The following ADAM23 variants were observed in gnomAD, a reference collection of about 807,000 sequenced individuals.
ADAM23 encodes disintegrin and metalloproteinase domain-containing protein 23.
ADAM23 carries 33 observed loss-of-function variants against 120.1 expected under a neutral mutation model. The ratio of observed to expected loss-of-function variants is 0.27; its 90% confidence interval spans 0.21 to 0.37. The LOEUF (loss-of-function observed/expected upper bound fraction) is 0.37. Among genes scored for constraint, ADAM23 ranks in the 10% least tolerant of loss-of-function variants. The pLI is 1.00. For missense variants in ADAM23, 862 were observed against 1,058.2 expected (o/e 0.81, Z 2.57); for synonymous variants, 367 against 375.2 (o/e 0.98, Z 0.25).
intron 3 of ADAM23, among the ~76,000 whole-genome samples, chr2:206,519,523 A>C (rs1696802959): frequency 6.6e-6 from 1 of 152,134 alleles, no homozygotes; most frequent in South Asian, 2.1e-4. Flanking sequence ...CATTTTTCTA[A>C]ATGATAACTT....
intron 25 of ADAM23, among the ~76,000 whole-genome samples, chr2:206,617,087 A>G (rs369932771): frequency 2.0e-5 from 3 of 152,338 alleles, no homozygotes; most frequent in East Asian, 3.9e-4. Flanking sequence ...CCAAGGCAGC[A>G]AGATAACTGA....
intron 2 of ADAM23, among the ~76,000 whole-genome samples, chr2:206,455,594 A>G (rs1559214413): frequency 6.6e-6 from 1 of 152,190 alleles, no homozygotes; most frequent in African/African-American, 2.4e-5. Context: ...TCTTTTAAAT[A>G]TAAGTTCCAG....
At chr2:206,512,647 G>GA (rs1409163042) in intron 3 of ADAM23, among the ~76,000 whole-genome samples, 1 of 152,064 alleles carries the variant, frequency 6.6e-6, no homozygotes, top group Non-Finnish European at 1.5e-5. Flanking sequence ...TAGAAACTCT[G>GA]AAAAAGACTT....
intron 3 of ADAM23, among the ~76,000 whole-genome samples, chr2:206,484,289 A>C (rs1455486684): frequency 1.3e-5 from 2 of 152,166 alleles, no homozygotes; most frequent in East Asian, 3.9e-4. Flanking sequence ...TTGGGGCTTG[A>C]GGAAAATGAC....
chr2:206,551,146 C>G (rs1473601390), intron 9 of ADAM23, among the ~76,000 whole-genome samples: 1 of 152,138 alleles, frequency 6.6e-6, no homozygotes, highest in Non-Finnish European at 1.5e-5. Context: ...CTAGTACACC[C>G]AATACTAGTG....
chr2:206,540,032 C>G (rs1559254884), intron 4 of ADAM23, among the ~76,000 whole-genome samples: 1 of 152,012 alleles, frequency 6.6e-6, no homozygotes, highest in South Asian at 2.1e-4. Context: ...TACAGTGATT[C>G]AAGGCCAGGC....
At chr2:206,533,373 T>C (rs1314802678) in intron 4 of ADAM23, among the ~76,000 whole-genome samples, 1 of 152,144 alleles carries the variant, frequency 6.6e-6, no homozygotes, top group African/African-American at 2.4e-5. Flanking sequence ...AAATAATTTT[T>C]TTTGTATTTT....
At chr2:206,473,677 G>C (rs192048512) in intron 2 of ADAM23, among the ~76,000 whole-genome samples, 13 of 151,436 alleles carry the variant, frequency 8.6e-5, no homozygotes, top group African/African-American at 3.1e-4. Flanking sequence ...TTACTCATTT[G>C]ATTTCCTTAA....
chr2:206,507,158 C>T (rs1053064426), intron 3 of ADAM23, among the ~76,000 whole-genome samples: 1 of 152,070 alleles, frequency 6.6e-6, no homozygotes, highest in Non-Finnish European at 1.5e-5. Context: ...ATTGATAAAA[C>T]TATGACATCC....
At chr2:206,571,284 G>A (rs1003073005) in intron 16 of ADAM23, among the ~76,000 whole-genome samples, 8 of 151,840 alleles carry the variant, frequency 5.3e-5, no homozygotes, top group Non-Finnish European at 1.2e-4. Flanking sequence ...GACCATCCTG[G>A]CTAACACGGT....
intron 18 of ADAM23, among the ~76,000 whole-genome samples, chr2:206,583,060 G>A (rs2105841475): frequency 6.6e-6 from 1 of 152,244 alleles, no homozygotes; most frequent in African/African-American, 2.4e-5. Flanking sequence ...AATTTCTCAG[G>A]TGTTCTTTGT....
At chr2:206,548,435 A>G in intron 8 of ADAM23, 81 bp downstream of exon 8, 1 of 1,347,668 alleles carries the variant, frequency 7.4e-7, no homozygotes, top group Admixed American at 2.0e-5. Context: ...ATCTAAGTGT[A>G]CCTAAAACAG....
intron 18 of ADAM23, among the ~76,000 whole-genome samples, chr2:206,576,530 A>G (rs1698115512): frequency 6.6e-6 from 1 of 152,114 alleles, no homozygotes; most frequent in Non-Finnish European, 1.5e-5. Context: ...CATGATCAGG[A>G]TGAACCTAAA....
chr2:206,490,043 T>C (rs768303378), intron 3 of ADAM23, among the ~76,000 whole-genome samples: 21 of 152,336 alleles, frequency 1.4e-4, no homozygotes, highest in Non-Finnish European at 2.9e-4. Flanking sequence ...ATGAAGTCTT[T>C]AAAAAGGTAA....
At chr2:206,519,469 G>A (rs1278803111) in intron 3 of ADAM23, among the ~76,000 whole-genome samples, 1 of 152,040 alleles carries the variant, frequency 6.6e-6, no homozygotes, top group Non-Finnish European at 1.5e-5. Flanking sequence ...AACAATTTTT[G>A]TGATGCTATG....
At chr2:206,491,563 G>A (rs1696135796) in intron 3 of ADAM23, among the ~76,000 whole-genome samples, 1 of 152,054 alleles carries the variant, frequency 6.6e-6, no homozygotes, top group African/African-American at 2.4e-5. Flanking sequence ...TTTTTTCAGA[G>A]CACTTCTTGG....
chr2:206,473,973 C>T (rs140210530), intron 2 of ADAM23, among the ~76,000 whole-genome samples: 103 of 149,190 alleles, frequency 6.9e-4, no homozygotes, highest in African/African-American at 2.5e-3. Flanking sequence ...GATTGCACCA[C>T]TCCACACCAA....
At chr2:206,552,869 T>C (rs2105815726) in intron 9 of ADAM23, among the ~76,000 whole-genome samples, 1 of 151,824 alleles carries the variant, frequency 6.6e-6, no homozygotes, top group East Asian at 1.9e-4. Flanking sequence ...GGTTTCGCCA[T>C]ATTGCCTAGG....
chr2:206,478,632 A>G (rs554720388), intron 2 of ADAM23, among the ~76,000 whole-genome samples: 1 of 152,298 alleles, frequency 6.6e-6, no homozygotes, highest in East Asian at 1.9e-4. Flanking sequence ...CTTGTTTGCG[A>G]TCATAAATGT....
Sources: gnomAD v4.1 joint callset for allele counts (sites outside exome capture counted in the v4.1 genomes callset) on GRCh38, gnomAD v4.1.1 for gene constraint, MANE v1.5 for transcripts, NCBI Gene and HGNC (gene_info 2026-07-23, HGNC 2026-07-21) for gene names.